Variants in NFATC1 observed in about 807,000 individuals in gnomAD.
The protein encoded by NFATC1 is nuclear factor of activated T-cells, cytoplasmic 1.
In NFATC1, 22 loss-of-function variants were observed where a neutral mutation model predicts 76.0. The observed-to-expected ratio is 0.29, with a 90% confidence interval of 0.21 to 0.41. The LOEUF is 0.41. Among genes scored for constraint, NFATC1 ranks in the 10% least tolerant of loss-of-function variants. The pLI is 1.00. For missense variants in NFATC1, 1,357 were observed against 1,337.7 expected (o/e 1.01, Z -0.23); for synonymous variants, 704 against 613.1 (o/e 1.15, Z -2.19).
At chr18:79,512,415 A>G (rs910293990) in intron 9 of NFATC1, among the ~76,000 whole-genome samples, 2 of 151,778 alleles carry the variant, frequency 1.3e-5, no homozygotes, top group African/African-American at 4.8e-5. Flanking sequence ...ACACCCACAC[A>G]CCCCGAACTT....
At chr18:79,402,474 C>A in intron 1 of NFATC1, 1 of 859,670 alleles carries the variant, frequency 1.2e-6, no homozygotes, top group Non-Finnish European at 1.4e-6. Flanking sequence ...CTCACCCTCG[C>A]AGGCACCCTG....
intron 6 of NFATC1, among the ~76,000 whole-genome samples, chr18:79,452,787 C>A (rs2087529662): frequency 6.6e-6 from 1 of 152,202 alleles, no homozygotes; most frequent in Non-Finnish European, 1.5e-5. Context: ...TGGGCCTCTG[C>A]CCAGGGTGCG....
intron 6 of NFATC1, among the ~76,000 whole-genome samples, chr18:79,459,321 T>C (rs115659871): frequency 0.013 from 1,998 of 152,294 alleles, 43 homozygotes; most frequent in African/African-American, 0.04. Flanking sequence ...AAAAGACGCC[T>C]CCATGCCGTC....
intron 6 of NFATC1, among the ~76,000 whole-genome samples, chr18:79,455,257 A>G (rs934816664): frequency 6.6e-6 from 1 of 151,498 alleles, no homozygotes; most frequent in African/African-American, 2.4e-5. Flanking sequence ...GGGGGTGAAG[A>G]CTCCCACTCC....
chr18:79,426,980 C>T (rs995447235), intron 2 of NFATC1, among the ~76,000 whole-genome samples: 1 of 152,216 alleles, frequency 6.6e-6, no homozygotes, highest in African/African-American at 2.4e-5. Flanking sequence ...TGAAGCCTGC[C>T]GGCATGGGTT....
chr18:79,397,470 C>T (rs1374292402), intron 1 of NFATC1, among the ~76,000 whole-genome samples: 1 of 152,224 alleles, frequency 6.6e-6, no homozygotes, highest in African/African-American at 2.4e-5. Context: ...CAGAGCTGAG[C>T]ACAGGGCCGT....
At chr18:79,402,687 A>G (rs1340500625) in intron 1 of NFATC1, among the ~76,000 whole-genome samples, 1 of 152,208 alleles carries the variant, frequency 6.6e-6, no homozygotes, top group East Asian at 1.9e-4. Flanking sequence ...AGAAGTTGCT[A>G]GGAAGGGTTC....
chr18:79,521,548 T>TG (rs1466062704), intron 9 of NFATC1, among the ~76,000 whole-genome samples: 2 of 484 alleles, frequency 4.1e-3, no homozygotes, highest in East Asian at 0.056. Context: ...TATGTGTGTG[T>TG]GGGGGGGCAT....
At chr18:79,486,158 G>A in intron 8 of NFATC1, 90 bp from the exon 9 acceptor site, 4 of 1,186,712 alleles carry the variant, frequency 3.4e-6, no homozygotes, top group Non-Finnish European at 4.8e-6. Flanking sequence ...GGGCCCTGTT[G>A]GTTTTGCGGA....
intron 4 of NFATC1, among the ~76,000 whole-genome samples, chr18:79,450,012 T>C (rs2087392143): frequency 6.6e-6 from 1 of 152,214 alleles, no homozygotes; most frequent in Non-Finnish European, 1.5e-5. Flanking sequence ...GTAATCCAAG[T>C]TTCCCGCAGA....
intron 8 of NFATC1, among the ~76,000 whole-genome samples, chr18:79,471,712 CAAG>C (rs899104772): frequency 2.4e-4 from 36 of 152,226 alleles, no homozygotes; most frequent in African/African-American, 8.4e-4. Flanking sequence ...CATCCCGTGA[CAAG>C]GAGTGGCTGC....
At chr18:79,472,966 C>T (rs2088846265) in intron 8 of NFATC1, among the ~76,000 whole-genome samples, 1 of 152,234 alleles carries the variant, frequency 6.6e-6, no homozygotes, top group Non-Finnish European at 1.5e-5. Context: ...CGCAGACGAC[C>T]CACACTCCAT....
intron 9 of NFATC1, among the ~76,000 whole-genome samples, chr18:79,516,473 C>T (rs978418842): frequency 1.1e-4 from 17 of 152,174 alleles, no homozygotes; most frequent in Admixed American, 2.6e-4. Context: ...TGCGACCCTG[C>T]GTTTTCAGAA....
At chr18:79,473,451 C>T (rs1484670796) in intron 8 of NFATC1, among the ~76,000 whole-genome samples, 1 of 152,070 alleles carries the variant, frequency 6.6e-6, no homozygotes, top group African/African-American at 2.4e-5. Context: ...AGCGTGTTCT[C>T]AGCTCATTGT....
chr18:79,423,424 G>A (rs542227450), intron 2 of NFATC1, among the ~76,000 whole-genome samples: 5 of 152,230 alleles, frequency 3.3e-5, no homozygotes, highest in East Asian at 1.9e-4. Flanking sequence ...CAAAGGCGGC[G>A]TCCTGGGCTC....
At chr18:79,397,078 T>C (rs1293968700) in intron 1 of NFATC1, among the ~76,000 whole-genome samples, 1 of 152,170 alleles carries the variant, frequency 6.6e-6, no homozygotes, top group Non-Finnish European at 1.5e-5. Flanking sequence ...TGAAACCCGG[T>C]GTGGGGGGCG....
In NFATC1 at chr18:79,406,428, C is replaced by T. The variant is rs113335175; in HGVS notation, c.128-3975C>T. Reference sequence around the variant, plus strand: ...GTCGGGGTGTGGGAGGGAGGCTGGGCCCCCGTGATCGGATCCACGCTGCCA... The same window carrying T: ...GTCGGGGTGTGGGAGGGAGGCTGGGTCCCCGTGATCGGATCCACGCTGCCA... On this transcript the variant is annotated intron_variant, in intron 1 of 9. Coordinates refer to ENST00000427363, the MANE Select transcript of NFATC1 (RefSeq NM_001278669.2). 3.1e-3 allele frequency among the ~76,000 whole-genome samples: 473 copies of T among 152,154 alleles called. 2 individuals carry two copies. Among genetic ancestry groups the T allele is most frequent in the African/African-American group, 0.011 (451 of 41,500 alleles).
chr18:79,431,041 G>C (rs2086571520), intron 2 of NFATC1, among the ~76,000 whole-genome samples: 1 of 152,242 alleles, frequency 6.6e-6, no homozygotes, highest in Admixed American at 6.5e-5. Context: ...TGACAGTACA[G>C]CCCATGAAGC....
At chr18:79,458,243 C>T (rs542999733) in intron 6 of NFATC1, among the ~76,000 whole-genome samples, 4 of 151,594 alleles carry the variant, frequency 2.6e-5, no homozygotes, top group South Asian at 2.1e-4. Context: ...ATGGATGAGA[C>T]GCCCCAGGGA....
Sources: gnomAD v4.1 joint callset for allele counts (sites outside exome capture counted in the v4.1 genomes callset) on GRCh38, gnomAD v4.1.1 for gene constraint, MANE v1.5 for transcripts, NCBI Gene and HGNC (gene_info 2026-07-23, HGNC 2026-07-21) for gene names.